ANKDD1A: variants seen among roughly 807,000 people sequenced by gnomAD.
ANKDD1A encodes ankyrin repeat and death domain containing 1A, also known as ankyrin repeat and death domain-containing protein 1A.
A neutral mutation model predicts 63.5 loss-of-function variants in ANKDD1A; 59 were observed. That is an observed-to-expected ratio of 0.93 (90% CI 0.75 to 1.15). ANKDD1A has a LOEUF of 1.15. Among genes scored for constraint, ANKDD1A ranks in the 50% most tolerant of loss-of-function variants. The probability of loss-of-function intolerance (pLI) is 0.00; values close to 1 mark genes in which losing one functional copy is unlikely to be tolerated. For missense variants in ANKDD1A, 632 were observed against 656.4 expected, an observed-to-expected ratio of 0.96 and a Z score of 0.41; for synonymous variants, 266 against 263.9, an observed-to-expected ratio of 1.01 and a Z score of -0.08.
At chr15:64,955,016 TTCTTCTTCTTCCTCTTCTTC>T (rs2085404793) in intron 14 of ANKDD1A, among the ~76,000 whole-genome samples, 1 of 121,258 alleles carries the variant, frequency 8.2e-6, no homozygotes, top group Non-Finnish European at 1.7e-5. Context: ...CTTCTTCCAC[TTCTTCTTCTTCCTCTTCTTC>T]TTCTTTCTTT....
intron 9 of ANKDD1A, among the ~76,000 whole-genome samples, chr15:64,938,703 G>A (rs144045240): frequency 0.031 from 4,727 of 152,252 alleles, 223 homozygotes; most frequent in South Asian, 0.12. Flanking sequence ...TGTAATCCCA[G>A]CACTTTGGGA....
intron 14 of ANKDD1A, among the ~76,000 whole-genome samples, chr15:64,953,674 CT>C (rs2085355247): frequency 1.4e-4 from 1 of 7,136 alleles, no homozygotes; most frequent in East Asian, 0.05. Flanking sequence ...TCTTCTCCTT[CT>C]TTTCTTCTCC....
chr15:64,922,302 A>G (rs2085013408), intron 4 of ANKDD1A: 1 of 401,038 alleles, frequency 2.5e-6, no homozygotes, highest in Non-Finnish European at 4.6e-6. Flanking sequence ...GGTCTCCTCC[A>G]CCCTCCTGCC....
At chr15:64,921,827 C>G (rs763110345) in intron 3 of ANKDD1A, 94 bp from the exon 4 acceptor site, 5 of 1,042,842 alleles carry the variant, frequency 4.8e-6, no homozygotes, top group Admixed American at 1.9e-5. Flanking sequence ...ATAGTTCCTT[C>G]TGGTTGTATG....
At chr15:64,921,180 G>A (rs2085004427) in intron 3 of ANKDD1A, among the ~76,000 whole-genome samples, 1 of 152,018 alleles carries the variant, frequency 6.6e-6, no homozygotes, top group African/African-American at 2.4e-5. Context: ...CCCCTATTTT[G>A]CCCAGTCTGG....
chr15:64,918,005 G>A (rs1402513878), intron 3 of ANKDD1A, among the ~76,000 whole-genome samples: 1 of 152,188 alleles, frequency 6.6e-6, no homozygotes, highest in Non-Finnish European at 1.5e-5. Context: ...ACAGGTTTGG[G>A]AAAAAGGCTG....
intron 6 of ANKDD1A, among the ~76,000 whole-genome samples, chr15:64,928,546 A>AT (rs11420736): frequency 0.31 from 47,641 of 152,152 alleles, 8,419 homozygotes; most frequent in East Asian, 0.69. Context: ...GAGTGTTTTC[A>AT]TTTTCAGTTT....
chr15:64,951,866 CTTT>C (rs1022987563), intron 14 of ANKDD1A, among the ~76,000 whole-genome samples: 44,813 of 120,686 alleles, frequency 0.37, 7,905 homozygotes, highest in South Asian at 0.5. Flanking sequence ...TCTTCCTCTT[CTTT>C]TTCTTTCTTC....
At chr15:64,933,145 C>T (rs946583501) in intron 8 of ANKDD1A, among the ~76,000 whole-genome samples, 8 of 152,068 alleles carry the variant, frequency 5.3e-5, no homozygotes, top group Non-Finnish European at 8.8e-5. Flanking sequence ...GCCAAGCCCA[C>T]GGTGACTGCA....
chr15:64,923,891 G>A (rs942414595), intron 4 of ANKDD1A, among the ~76,000 whole-genome samples: 4 of 152,204 alleles, frequency 2.6e-5, no homozygotes, highest in Admixed American at 2.0e-4. Context: ...TGAGGGAGGC[G>A]GGGTCTTGGG....
chr15:64,954,506 T>C (rs1212958009), intron 14 of ANKDD1A, among the ~76,000 whole-genome samples: 1 of 134,624 alleles, frequency 7.4e-6, no homozygotes, highest in Non-Finnish European at 1.6e-5. Context: ...TCTTCTTCCT[T>C]CTTCTCCTCT....
intron 14 of ANKDD1A, among the ~76,000 whole-genome samples, chr15:64,952,488 C>T (rs550521532): frequency 2.9e-5 from 4 of 139,890 alleles, no homozygotes; most frequent in East Asian, 4.4e-4. Context: ...CTTCTTCCTT[C>T]GTCACCGTCT....
chr15:64,925,883 G>A (rs1235680002), intron 4 of ANKDD1A, among the ~76,000 whole-genome samples, 183 bp from the exon 5 acceptor site: 2 of 152,076 alleles, frequency 1.3e-5, no homozygotes, highest in Non-Finnish European at 2.9e-5. Flanking sequence ...ACTCCTGCCA[G>A]CCCCCCTAAG....
chr15:64,942,643 T>C, intron 10 of ANKDD1A, 78 bp downstream of exon 10: 1 of 1,113,726 alleles, frequency 9.0e-7, no homozygotes, highest in Non-Finnish European at 1.3e-6. Flanking sequence ...GGCTGTGGTC[T>C]CCTAGCATGG....
At chr15:64,953,643 C>T (rs1248218138) in intron 14 of ANKDD1A, among the ~76,000 whole-genome samples, 1 of 15,454 alleles carries the variant, frequency 6.5e-5, no homozygotes. Flanking sequence ...TCTTCTTCCT[C>T]TTCCTTCTCC....
intron 7 of ANKDD1A, 76 bp from the exon 8 acceptor site, chr15:64,931,411 C>T: frequency 2.8e-6 from 4 of 1,410,216 alleles, no homozygotes; most frequent in South Asian, 2.6e-5. Context: ...CAAGGGGCAT[C>T]CTCTCACCGT....
chr15:64,947,232 G>A (rs2085230566), intron 12 of ANKDD1A, among the ~76,000 whole-genome samples, 172 bp from the exon 13 acceptor site: 1 of 152,188 alleles, frequency 6.6e-6, no homozygotes, highest in Admixed American at 6.5e-5. Context: ...GTCAAGGCAA[G>A]GCATGGAGTG....
At chr15:64,944,968 C>T (rs373548059) in intron 12 of ANKDD1A, among the ~76,000 whole-genome samples, 3 of 152,188 alleles carry the variant, frequency 2.0e-5, no homozygotes, top group Non-Finnish European at 2.9e-5. Context: ...TCCATGCCAG[C>T]GTGGAGATAC....
rs568628214 is a variant in ANKDD1A, at chr15:64,932,977, T to G, written c.769-1159T>G. ...AAAAAAAAAAAAAGACTGGGAAGGTTGCACCCAGCTGGGTGGCCATTGGGT... is the reference window on the plus strand; with the variant it reads ...AAAAAAAAAAAAAGACTGGGAAGGTGGCACCCAGCTGGGTGGCCATTGGGT... On this transcript the variant is annotated intron_variant, in intron 8 of 14. Coordinates refer to ENST00000319580, the MANE Select transcript of ANKDD1A (RefSeq NM_182703.6). 1.2e-3 allele frequency among the ~76,000 whole-genome samples: 184 copies of G among 148,996 alleles called. 1 individual carries two copies. The highest frequency in any genetic ancestry group is 4.4e-3 in the African/African-American group (178 of 40,830).
Sources: allele counts gnomAD v4.1 joint callset (sites outside exome capture counted in the v4.1 genomes callset), GRCh38; gene constraint gnomAD v4.1.1; transcripts MANE v1.5; gene names NCBI Gene and HGNC (gene_info 2026-07-23, HGNC 2026-07-21).